The following CTNNA2 variants were observed in gnomAD, a reference collection of about 807,000 sequenced individuals.
CTNNA2 encodes catenin alpha 2.
A neutral mutation model predicts 101.0 loss-of-function variants in CTNNA2; 42 were observed. That is an observed-to-expected ratio of 0.42 (90% CI 0.32 to 0.54). The LOEUF is 0.54. CTNNA2 is among the 20% of genes least tolerant of loss of function. CTNNA2 has a pLI of 0.14. For missense variants in CTNNA2, 871 were observed against 1,223.1 expected (o/e 0.71, Z 4.29); for synonymous variants, 450 against 456.4 (o/e 0.99, Z 0.18).
Position 80,332,750 on chromosome 2 carries a change from G to A in CTNNA2, c.1057-60461G>A, listed in dbSNP as rs114320565. On this transcript the variant is annotated intron_variant, in intron 7 of 18. Transcript: ENST00000402739. The stretch of plus-strand genomic sequence containing the variant: ...CAAGAAGAAAAGGAAGGCATTTAGC[G>A]TGAGCTTTTAAGTAATTCTGCTTGG... Among the ~76,000 whole-genome samples, 1,055 of 152,240 alleles carry A rather than the reference G, an allele frequency of 6.9e-3. 14 individuals carry two copies. Among genetic ancestry groups the A allele is most frequent in the African/African-American group, 0.024 (996 of 41,540 alleles).
intron 1 of CTNNA2, among the ~76,000 whole-genome samples, chr2:79,612,893 A>G (rs987840527): frequency 1.3e-5 from 2 of 152,160 alleles, no homozygotes; most frequent in Admixed American, 1.3e-4. Flanking sequence ...AGGAAGCCTG[A>G]CATTAGATTT....
At chr2:79,404,499 T>C (rs971921681) in intron 4 of CTNNA2, among the ~76,000 whole-genome samples, 1 of 152,100 alleles carries the variant, frequency 6.6e-6, no homozygotes, top group Non-Finnish European at 1.5e-5. Context: ...GGACACTTCA[T>C]TGAAAACTGA....
intron 7 of CTNNA2, among the ~76,000 whole-genome samples, chr2:79,984,018 A>G (rs1691580725): frequency 6.6e-6 from 1 of 152,156 alleles, no homozygotes; most frequent in Non-Finnish European, 1.5e-5. Context: ...ATAAAGCCTC[A>G]TTACTCCAAA....
chr2:79,361,604 G>A (rs1000536205), intron 3 of CTNNA2, among the ~76,000 whole-genome samples: 5 of 152,028 alleles, frequency 3.3e-5, no homozygotes, highest in African/African-American at 7.2e-5. Flanking sequence ...TGTATTAGTC[G>A]GGGTTCTCTA....
chr2:79,560,833 A>G (rs1674732657), intron 1 of CTNNA2, among the ~76,000 whole-genome samples: 1 of 151,972 alleles, frequency 6.6e-6, no homozygotes, highest in Admixed American at 6.6e-5. Flanking sequence ...GAGATTGTCC[A>G]TTTATGAAGA....
intron 1 of CTNNA2, among the ~76,000 whole-genome samples, chr2:79,530,962 G>A (rs1672700818): frequency 6.6e-6 from 1 of 151,776 alleles, no homozygotes. Context: ...TTAAAACTTT[G>A]TGCTTCATCT....
At chr2:79,455,075 C>G (rs897895077) in intron 4 of CTNNA2, among the ~76,000 whole-genome samples, 1 of 152,016 alleles carries the variant, frequency 6.6e-6, no homozygotes, top group African/African-American at 2.4e-5. Flanking sequence ...AAAGCTAGAA[C>G]AGTAAAAAAT....
chr2:80,474,703 A>G (rs1685584323), intron 9 of CTNNA2, among the ~76,000 whole-genome samples: 1 of 152,136 alleles, frequency 6.6e-6, no homozygotes, highest in South Asian at 2.1e-4. Context: ...GGAGCCATGA[A>G]TTCTCTGTTA....
chr2:80,357,280 A>AT (rs139134287), intron 7 of CTNNA2, among the ~76,000 whole-genome samples: 7,889 of 109,630 alleles, frequency 0.072, 671 homozygotes, highest in African/African-American at 0.23. Context: ...TTTATTTTTT[A>AT]TTTTTTTTTG....
At chr2:79,711,847 A>G (rs1466979818) in intron 2 of CTNNA2, among the ~76,000 whole-genome samples, 1 of 152,144 alleles carries the variant, frequency 6.6e-6, no homozygotes, top group Non-Finnish European at 1.5e-5. Flanking sequence ...CATATAACTT[A>G]TTTATGGACA....
At chr2:79,933,764 C>G (rs2104431070) in intron 7 of CTNNA2, among the ~76,000 whole-genome samples, 1 of 152,272 alleles carries the variant, frequency 6.6e-6, no homozygotes, top group South Asian at 2.1e-4. Flanking sequence ...CCTGGAATTA[C>G]TATTCTTTAC....
chr2:79,255,762 T>G (rs1674836815), intron 2 of CTNNA2, among the ~76,000 whole-genome samples: 2 of 152,216 alleles, frequency 1.3e-5, no homozygotes, highest in Admixed American at 1.3e-4. Context: ...TCACCTTGTG[T>G]AGCTTAAAAT....
chr2:79,214,650 A>G (rs1295283156), intron 2 of CTNNA2, among the ~76,000 whole-genome samples: 1 of 151,980 alleles, frequency 6.6e-6, no homozygotes, highest in African/African-American at 2.4e-5. Flanking sequence ...GAGATGTCCT[A>G]TGCTTGTGGG....
intron 4 of CTNNA2, among the ~76,000 whole-genome samples, chr2:79,491,310 C>G (rs1671205654): frequency 6.6e-6 from 1 of 152,166 alleles, no homozygotes; most frequent in Non-Finnish European, 1.5e-5. Flanking sequence ...ATCACTCTGT[C>G]TTCTGCTACT....
intron 7 of CTNNA2, among the ~76,000 whole-genome samples, chr2:80,390,065 G>A (rs1285692095): frequency 6.6e-6 from 1 of 152,166 alleles, no homozygotes; most frequent in Non-Finnish European, 1.5e-5. Flanking sequence ...TCACATCATG[G>A]AGAAAAAGCT....
intron 3 of CTNNA2, among the ~76,000 whole-genome samples, chr2:79,830,767 A>G (rs1678868310): frequency 6.6e-6 from 1 of 152,216 alleles, no homozygotes. Context: ...TATGGAGGCT[A>G]CAAATTAAAT....
intron 3 of CTNNA2, among the ~76,000 whole-genome samples, chr2:79,336,033 C>G (rs903634549): frequency 4.6e-5 from 7 of 152,202 alleles, no homozygotes; most frequent in Non-Finnish European, 1.0e-4. Flanking sequence ...AAAACTCCAT[C>G]TGAAGACAGC....
chr2:80,431,086 C>T (rs989689230), intron 9 of CTNNA2, among the ~76,000 whole-genome samples: 4 of 152,140 alleles, frequency 2.6e-5, no homozygotes, highest in African/African-American at 9.7e-5. Context: ...TTTCTTCTAA[C>T]TCTGAGGGAT....
intron 6 of CTNNA2, among the ~76,000 whole-genome samples, chr2:79,899,571 T>C (rs10865446): frequency 0.23 from 34,560 of 152,132 alleles, 4,238 homozygotes; most frequent in Non-Finnish European, 0.26. Flanking sequence ...TTAGGTAAAT[T>C]TCTCTTAAAA....
Sources: gnomAD v4.1 joint callset for allele counts (sites outside exome capture counted in the v4.1 genomes callset) on GRCh38, gnomAD v4.1.1 for gene constraint, MANE v1.5 for transcripts, NCBI Gene and HGNC (gene_info 2026-07-23, HGNC 2026-07-21) for gene names.